ANO10: variants seen among roughly 807,000 people sequenced by gnomAD.
ANO10 encodes the protein anoctamin-10.
A neutral mutation model predicts 74.7 loss-of-function variants in ANO10; 77 were observed. The ratio of observed to expected loss-of-function variants is 1.03; its 90% CI spans 0.86 to 1.25. The LOEUF (loss-of-function observed/expected upper bound fraction) is 1.25, where lower values mean the gene tolerates loss of function less well. Ranked by LOEUF, ANO10 falls within the 50% of genes most tolerant of loss-of-function variation. ANO10 has a pLI of 0.00. For synonymous variants in ANO10, 279 were observed against 284.9 expected (o/e 0.98, Z 0.21); for missense variants, 721 against 778.1 (o/e 0.93, Z 0.87).
At chr3:43,378,955 C>T (rs1177255297) in intron 12 of ANO10, among the ~76,000 whole-genome samples, 1 of 152,170 alleles carries the variant, frequency 6.6e-6, no homozygotes, top group Admixed American at 6.5e-5. Flanking sequence ...ATTACTGCTT[C>T]TTCCCAACAC....
At chr3:43,435,724 T>G (rs996754782) in intron 11 of ANO10, among the ~76,000 whole-genome samples, 4 of 152,196 alleles carry the variant, frequency 2.6e-5, no homozygotes, top group Admixed American at 1.3e-4. Flanking sequence ...TAATACACAT[T>G]TTCTATTAAA....
Position 43,684,011 on chromosome 3 carries a change from T to C in ANO10, c.-12+7506A>G, listed in dbSNP as rs967868041. Among the ~76,000 whole-genome samples, 24 of 152,274 alleles carry C rather than the reference T, an allele frequency of 1.6e-4. No homozygotes were observed. In the Middle Eastern group the frequency reaches 0.01, roughly 65 times the overall value. ...AACCTAGGCAATAGCATTCAGGACA[T>C]AGTCATGGACAAGGACTTCATGTCT... On this transcript the variant is annotated intron_variant, in intron 1 of 3. Transcript: ENST00000413397.
intron 11 of ANO10, among the ~76,000 whole-genome samples, chr3:43,505,746 G>A (rs2077270811): frequency 6.6e-6 from 1 of 152,120 alleles, no homozygotes; most frequent in African/African-American, 2.4e-5. Context: ...TTATTATTCT[G>A]CAGTTTTCAC....
chr3:43,386,151 A>G (rs1397139068), intron 12 of ANO10, among the ~76,000 whole-genome samples: 1 of 152,150 alleles, frequency 6.6e-6, no homozygotes, highest in Non-Finnish European at 1.5e-5. Context: ...GATTTCAAGG[A>G]TTCACCTGCC....
At chr3:43,524,721 C>T (rs1475260313) in intron 11 of ANO10, among the ~76,000 whole-genome samples, 2 of 152,160 alleles carry the variant, frequency 1.3e-5, no homozygotes, top group South Asian at 2.1e-4. Context: ...CTGGGCTCTT[C>T]TGCCAAAACA....
intron 1 of ANO10, among the ~76,000 whole-genome samples, chr3:43,630,280 A>G (rs2083532970): frequency 6.6e-6 from 1 of 152,224 alleles, no homozygotes. Flanking sequence ...TAAAATCTAA[A>G]TACTAAAATC....
At chr3:43,390,859 A>T (rs2092257566) in intron 12 of ANO10, among the ~76,000 whole-genome samples, 1 of 152,258 alleles carries the variant, frequency 6.6e-6, no homozygotes, top group Non-Finnish European at 1.5e-5. Flanking sequence ...GCTGATCAGT[A>T]ATCAGAACGG....
rs572367833 is a variant in ANO10, at chr3:43,652,400, TGAGA to T, written c.-12+39113_-12+39116del. Among the ~76,000 whole-genome samples the T allele has an allele frequency of 1.3e-3, 193 of 152,284 alleles. 1 individual carries two copies. Among genetic ancestry groups the T allele is most frequent in the Admixed American group, 2.7e-3 (42 of 15,302 alleles). On this transcript the variant is annotated intron_variant, in intron 1 of 3. Coordinates refer to the ANO10 transcript ENST00000413397. ...CAACAAGAGTGACAAGATAATTTGA[TGAGA>T]GAAAGAACAGTCTTTTCAACAAACA...
chr3:43,671,962 A>C (rs962158969), intron 1 of ANO10, among the ~76,000 whole-genome samples: 15 of 152,220 alleles, frequency 9.9e-5, no homozygotes, highest in Non-Finnish European at 1.6e-4. Flanking sequence ...AAAAGTCTTT[A>C]TAAACTAATT....
At chr3:43,566,285 G>A (rs1206970660) in intron 7 of ANO10, among the ~76,000 whole-genome samples, 1 of 152,236 alleles carries the variant, frequency 6.6e-6, no homozygotes, top group Non-Finnish European at 1.5e-5. Flanking sequence ...GCCCAGGCTT[G>A]ATTAGGTAAA....
intron 1 of ANO10, among the ~76,000 whole-genome samples, chr3:43,662,098 T>C (rs2083933091): frequency 6.6e-6 from 1 of 152,166 alleles, no homozygotes; most frequent in African/African-American, 2.4e-5. Flanking sequence ...AACAACAGAA[T>C]ATACATTCTT....
intron 1 of ANO10, among the ~76,000 whole-genome samples, chr3:43,670,501 A>G (rs2084045942): frequency 2.0e-5 from 3 of 152,150 alleles, no homozygotes; most frequent in Admixed American, 1.3e-4. Context: ...CAAGTTTCCA[A>G]TTAGGGTGAA....
chr3:43,680,623 A>G (rs573862642), intron 1 of ANO10, among the ~76,000 whole-genome samples: 2 of 152,196 alleles, frequency 1.3e-5, no homozygotes, highest in Admixed American at 6.5e-5. Context: ...TCCAAGACAC[A>G]TATTTGTCAC....
At chr3:43,629,451 A>C (rs1277357100) in intron 1 of ANO10, among the ~76,000 whole-genome samples, 1 of 152,192 alleles carries the variant, frequency 6.6e-6, no homozygotes, top group African/African-American at 2.4e-5. Flanking sequence ...TTCTAAGAGA[A>C]ATGAGTCACT....
In ANO10 at chr3:43,581,839, T is replaced by C. The variant is rs1480078203; in HGVS notation, c.473-1367A>G. On this transcript the variant is annotated intron_variant, in intron 4 of 12. Transcript: ENST00000292246. ...TACTCAGGAGGCTGAGGTGGGAGGA[T>C]GGCTGGAGTCCAGGAGTTCAAGGCT... is the stretch of plus-strand genomic sequence containing the variant. Among the ~76,000 whole-genome samples, 5 of 149,796 alleles carry C rather than the reference T, an allele frequency of 3.3e-5. No homozygotes were observed. In the Admixed American group the frequency reaches 3.4e-4, roughly 10 times the overall value.
intron 12 of ANO10, among the ~76,000 whole-genome samples, chr3:43,370,097 T>C (rs1207167077): frequency 6.6e-6 from 1 of 152,130 alleles, no homozygotes; most frequent in East Asian, 1.9e-4. Flanking sequence ...AGGAGGGCTG[T>C]CCTCCTGGTG....
chr3:43,652,166 A>G (rs1336163318), intron 1 of ANO10, among the ~76,000 whole-genome samples: 2 of 152,058 alleles, frequency 1.3e-5, no homozygotes, highest in African/African-American at 4.8e-5. Flanking sequence ...TCATATGGAA[A>G]TGCAGGGGGT....
At chr3:43,415,152 T>C (rs934709340) in intron 12 of ANO10, among the ~76,000 whole-genome samples, 15 of 151,774 alleles carry the variant, frequency 9.9e-5, no homozygotes, top group African/African-American at 3.4e-4. Flanking sequence ...TTATTTTCTA[T>C]TTTTAGTGGA....
intron 7 of ANO10, among the ~76,000 whole-genome samples, chr3:43,566,053 T>C (rs999832132): frequency 1.5e-4 from 23 of 152,260 alleles, no homozygotes; most frequent in Non-Finnish European, 2.5e-4. Context: ...GTTCCCTTTC[T>C]GAGTCAAAGA....
Sources: allele counts gnomAD v4.1 joint callset (sites outside exome capture counted in the v4.1 genomes callset), GRCh38; gene constraint gnomAD v4.1.1; transcripts MANE v1.5; gene names NCBI Gene and HGNC (gene_info 2026-07-23, HGNC 2026-07-21).